LRRC36: variants seen among roughly 807,000 people sequenced by gnomAD.
The protein encoded by LRRC36 is leucine-rich repeat-containing protein 36.
A neutral mutation model predicts 81.1 loss-of-function variants in LRRC36; 62 were observed. The observed-to-expected ratio is 0.76, with a 90% confidence interval of 0.62 to 0.94. The LOEUF is 0.94. Ranked by LOEUF, LRRC36 falls within the 40% of genes least tolerant of loss-of-function variation. LRRC36 has a pLI of 0.00. For missense variants in LRRC36, 761 were observed against 881.7 expected, an observed-to-expected ratio of 0.86 and a Z score of 1.73; for synonymous variants, 334 against 348.6, an observed-to-expected ratio of 0.96 and a Z score of 0.47.
intron 1 of LRRC36, among the ~76,000 whole-genome samples, chr16:67,331,693 A>T (rs908036722): frequency 6.6e-6 from 1 of 152,142 alleles, no homozygotes; most frequent in East Asian, 1.9e-4. Context: ...AGGTCTTTTT[A>T]AAAAAGTTTT....
In LRRC36 at chr16:67,385,002, G is replaced by C. The variant is rs760465679; in HGVS notation, c.2178G>C (p.Thr726=). 1 of 1,614,064 alleles carries C rather than the reference G, an allele frequency of 6.2e-7. No individual in the cohort carries two copies. Among genetic ancestry groups the C allele is most frequent in the Non-Finnish European group, 8.5e-7 (1 of 1,180,032 alleles). ...LGRSSPFGKS[T]LSSSSPVAHE... ...GATCATCGCCCTTTGGGAAAAGCAC[G>C]TTGTCTTCCTCCTCACCAGTGGCAC... The change falls in exon 14 of 14, where the codon ACG becomes ACC. Residue 726 remains threonine (T), a synonymous_variant. Coordinates refer to ENST00000329956, the MANE Select transcript of LRRC36 (RefSeq NM_018296.6).
chr16:67,331,852 G>T (rs1453424987), intron 1 of LRRC36, among the ~76,000 whole-genome samples: 2 of 152,088 alleles, frequency 1.3e-5, no homozygotes, highest in African/African-American at 4.8e-5. Flanking sequence ...GCTGGGCGGG[G>T]TGGCACATGC....
intron 1 of LRRC36, among the ~76,000 whole-genome samples, chr16:67,329,196 A>G (rs537495959): frequency 1.7e-4 from 26 of 152,166 alleles, no homozygotes; most frequent in African/African-American, 5.5e-4. Context: ...AGTGCAAGCC[A>G]CAGCACCTGG....
At chr16:67,371,716 C>T (rs2039650031) in intron 9 of LRRC36, 1 of 200,598 alleles carries the variant, frequency 5.0e-6, no homozygotes, top group Non-Finnish European at 1.0e-5. Context: ...ACTGAAAATA[C>T]AAAAATTAGC....
rs879489922 is a variant in LRRC36, at chr16:67,330,178, A to AT, written c.70+3258dup. Among the ~76,000 whole-genome samples, 1,003 of 145,112 alleles carry AT rather than the reference A, an allele frequency of 6.9e-3. 8 individuals carry two copies. The highest frequency in any genetic ancestry group is 0.022 in the African/African-American group (890 of 39,610). ...TGAGGCTTAATCAGATTCAGGTTGG[A>AT]TTTTTTTTTTTTCACAAGACGATTT... On this transcript the variant is annotated intron_variant, in intron 1 of 13. Transcript: ENST00000329956.
At chr16:67,360,031 G>A (rs779328777) in intron 5 of LRRC36, among the ~76,000 whole-genome samples, 1 of 152,010 alleles carries the variant, frequency 6.6e-6, no homozygotes, top group South Asian at 2.1e-4. Context: ...AGGCTGAGGC[G>A]GGAGAATTGC....
intron 1 of LRRC36, among the ~76,000 whole-genome samples, chr16:67,336,028 G>C (rs1365941472): frequency 6.6e-6 from 1 of 152,122 alleles, no homozygotes; most frequent in Admixed American, 6.5e-5. Context: ...CACCGCACCC[G>C]GCCCAACCAC....
chr16:67,340,354 G>A (rs933292216), intron 1 of LRRC36, among the ~76,000 whole-genome samples: 5 of 151,702 alleles, frequency 3.3e-5, no homozygotes, highest in Admixed American at 1.3e-4. Flanking sequence ...CCCTTTTCAG[G>A]ACTGTTAATA....
Position 67,363,722 on chromosome 16 carries a change from A to T in LRRC36, c.702+8A>T. 6.2e-7 allele frequency: 1 copy of T among 1,611,844 alleles called. No individual in the cohort carries two copies. Among genetic ancestry groups the T allele is most frequent in the Non-Finnish European group, 8.5e-7 (1 of 1,178,264 alleles). ...TTCCCACTGGGGACACAGGTAATGT[A>T]TTCACTCTCCTGCTGATCTGTTGAC... is the stretch of plus-strand genomic sequence containing the variant. On this transcript the variant is annotated splice_region_variant and intron_variant, in intron 6 of 13. Coordinates refer to ENST00000329956, the MANE Select transcript of LRRC36 (RefSeq NM_018296.6).
Position 67,376,756 on chromosome 16 carries a change from G to C in LRRC36, c.1690G>C (p.Val564Leu), listed in dbSNP as rs1401798734. ...TGCCCGAGATTTGCTTCTGTCTTTG[G>C]TAGTCCCGGCTCCTTCTCAGCCGAG... ...GPARDLLLSL[V>L]VPAPSQPRCC... The change falls in exon 11 of 14, where the codon GTA becomes CTA. Residue 564 changes from valine (V) to leucine (L), a missense_variant. Transcript: ENST00000329956. The C allele has an allele frequency of 6.2e-7, 1 of 1,613,370 alleles. No homozygotes were observed. Among genetic ancestry groups the C allele is most frequent in the African/African-American group, 1.3e-5 (1 of 74,912 alleles).
At chr16:67,383,599 A>T (rs1301787677) in intron 13 of LRRC36, among the ~76,000 whole-genome samples, 1 of 152,220 alleles carries the variant, frequency 6.6e-6, no homozygotes, top group Non-Finnish European at 1.5e-5. Flanking sequence ...TGCTTTAGTG[A>T]CGTACAGTCA....
At chr16:67,384,081 A>T (rs749809391) in intron 13 of LRRC36, among the ~76,000 whole-genome samples, 5 of 152,216 alleles carry the variant, frequency 3.3e-5, no homozygotes, top group Non-Finnish European at 7.3e-5. Context: ...TAGTGCTATA[A>T]TGAATAGTAT....
At chr16:67,341,784 A>G (rs2038094807) in intron 1 of LRRC36, among the ~76,000 whole-genome samples, 173 bp from the exon 2 acceptor site, 4 of 152,196 alleles carry the variant, frequency 2.6e-5, no homozygotes, top group South Asian at 4.1e-4. Flanking sequence ...CTAAGGTTCA[A>G]TGTCACTATA....
intron 2 of LRRC36, among the ~76,000 whole-genome samples, chr16:67,344,541 C>A (rs977779816): frequency 1.3e-5 from 2 of 152,070 alleles, no homozygotes; most frequent in African/African-American, 4.8e-5. Context: ...CTGCAGTGAG[C>A]CTTGTTCATG....
chr16:67,364,956 T>C (rs2039316686), intron 6 of LRRC36, among the ~76,000 whole-genome samples: 1 of 152,186 alleles, frequency 6.6e-6, no homozygotes, highest in African/African-American at 2.4e-5. Flanking sequence ...TGGTGGTTGA[T>C]AGCTTTATCA....
intron 1 of LRRC36, among the ~76,000 whole-genome samples, chr16:67,329,066 C>T (rs773823854): frequency 1.3e-5 from 2 of 151,990 alleles, no homozygotes; most frequent in African/African-American, 4.8e-5. Flanking sequence ...CCCGCCACCA[C>T]GCCCGGCTAA....
chr16:67,363,790 T>G, intron 6 of LRRC36, 76 bp downstream of exon 6: 1 of 1,512,556 alleles, frequency 6.6e-7, no homozygotes, highest in South Asian at 1.2e-5. Flanking sequence ...CTCTCAATTA[T>G]TTATGAAGGT....
Position 67,341,091 on chromosome 16 carries a change from AGAATATGTACTCTACATATTC to A in LRRC36, c.71-865_71-845del, listed in dbSNP as rs1383759734. On this transcript the variant is annotated intron_variant, in intron 1 of 13. Coordinates refer to ENST00000329956, the MANE Select transcript of LRRC36 (RefSeq NM_018296.6). ...AGAATATGTACTCTACATATTCTAT[AGAATATGTACTCTACATATTC>A]TATAGAATATGTACTCTACATATTC... 2.7e-5 allele frequency among the ~76,000 whole-genome samples: 3 copies of A among 110,358 alleles called. 1 individual carries two copies. Among genetic ancestry groups the A allele is most frequent in the African/African-American group, 1.2e-4 (3 of 24,440 alleles). The allele number at this position is 110,358 out of a possible 152,430, so 72.4% of individuals were successfully genotyped here. A position where few individuals can be genotyped will look rare whatever the true frequency, so the allele number is the denominator to read the frequency against.
At chr16:67,371,737 G>A in intron 9 of LRRC36, 1 of 196,140 alleles carries the variant, frequency 5.1e-6, no homozygotes, top group Non-Finnish European at 1.1e-5. Context: ...TGGGTGTGGT[G>A]GCGCACGCCT....
Sources: gnomAD v4.1 joint callset for allele counts (sites outside exome capture counted in the v4.1 genomes callset) on GRCh38, gnomAD v4.1.1 for gene constraint, MANE v1.5 for transcripts, NCBI Gene and HGNC (gene_info 2026-07-23, HGNC 2026-07-21) for gene names.